The following ABHD12 variants were observed in gnomAD, a reference collection of about 807,000 sequenced individuals.
ABHD12 encodes abhydrolase domain containing 12, lysophospholipase.
In ABHD12, 43 loss-of-function variants were observed where a neutral mutation model predicts 58.3. That is an observed-to-expected ratio of 0.74 (90% confidence interval 0.58 to 0.95). The LOEUF (loss-of-function observed/expected upper bound fraction) is 0.95, where lower values mean the gene tolerates loss of function less well. ABHD12 is among the 40% of genes least tolerant of loss of function. The pLI is 0.00. For missense variants in ABHD12, 539 were observed against 537.2 expected, an observed-to-expected ratio of 1.00 and a Z score of -0.03; for synonymous variants, 219 against 211.2, an observed-to-expected ratio of 1.04 and a Z score of -0.32.
chr20:25,305,367 C>CTTT (rs11087512), intron 10 of ABHD12, among the ~76,000 whole-genome samples: 2 of 143,612 alleles, frequency 1.4e-5, no homozygotes, highest in Non-Finnish European at 3.0e-5. Context: ...TACTTTCCCT[C>CTTT]TTTTTTTTTT....
At chr20:25,340,668 C>T (rs528726877) in intron 1 of ABHD12, among the ~76,000 whole-genome samples, 1 of 152,220 alleles carries the variant, frequency 6.6e-6, no homozygotes, top group Non-Finnish European at 1.5e-5. Context: ...CTTAAAACCA[C>T]ATATTGAACT....
At position 25,320,155 on chromosome 20, in the gene ABHD12, G is replaced by A. The variant is rs1018175396; in HGVS notation, c.542+44C>T. ...GGCCAGGACATTCCCACCCCAAAAAGGAGCCATGCTCCACAGCAAAGATGA... is the reference window on the plus strand; with the variant it reads ...GGCCAGGACATTCCCACCCCAAAAAAGAGCCATGCTCCACAGCAAAGATGA... On this transcript the variant is annotated intron_variant, in intron 4 of 12. Coordinates refer to ENST00000339157, the MANE Select transcript of ABHD12 (RefSeq NM_001042472.3). The A allele has an allele frequency of 6.8e-6, 11 of 1,611,092 alleles. No homozygotes were observed. The African/African-American group carries it at 1.2e-4, about 18-fold the overall frequency.
rs566357038 is a variant in ABHD12, at chr20:25,359,733, T to C, written c.192-20382A>G. Among the ~76,000 whole-genome samples, 848 of 151,994 alleles carry C rather than the reference T, an allele frequency of 5.6e-3. 3 individuals are homozygous for C. Among genetic ancestry groups the C allele is most frequent in the Middle Eastern group, 0.034 (10 of 294 alleles). ...TACAAGCATGTACCACCATGCCTGC[T>C]GAGTTTTTTTATTTTTAGTAGAAAC... On this transcript the variant is annotated intron_variant, in intron 1 of 12. Coordinates refer to ENST00000339157, the MANE Select transcript of ABHD12 (RefSeq NM_001042472.3).
In ABHD12 at chr20:25,348,446, TAAAA is replaced by T. The variant is rs59369733; in HGVS notation, c.192-9099_192-9096del. The stretch of plus-strand genomic sequence containing the variant: ...TAATTCAATGACACAAACCATTTGG[TAAAA>T]AAAAAAAAAAAAAAAAACAAATGCG... On this transcript the variant is annotated intron_variant, in intron 1 of 12. Transcript: ENST00000339157. Among the ~76,000 whole-genome samples the T allele has an allele frequency of 3.2e-3, 397 of 124,258 alleles. 2 individuals carry two copies. The highest frequency in any genetic ancestry group is 0.011 in the African/African-American group (372 of 34,040). The allele number at this position is 124,258 out of a possible 152,430, so 81.5% of individuals were successfully genotyped here.
Position 25,309,445 on chromosome 20 carries a change from C to T in ABHD12, c.749+1G>A, listed in dbSNP as rs201317014. 5.0e-6 allele frequency: 8 copies of T among 1,614,074 alleles called. No individual in the cohort carries two copies. In the Admixed American group the frequency reaches 6.7e-5, roughly 13 times the overall value. Reference sequence around the variant, plus strand: ...GGCTGCCTCCTGCTGGGGTCCCTTACCCAGTGCCCAGAGAGTGGCCCCAGA... The same window carrying T: ...GGCTGCCTCCTGCTGGGGTCCCTTATCCAGTGCCCAGAGAGTGGCCCCAGA... On this transcript the variant is annotated splice_donor_variant, in intron 7 of 12. Coordinates refer to ENST00000339157, the MANE Select transcript of ABHD12 (RefSeq NM_001042472.3). LOFTEE classifies it high-confidence loss of function.
chr20:25,339,969 AC>A (rs2089434036), intron 1 of ABHD12, among the ~76,000 whole-genome samples: 1 of 152,038 alleles, frequency 6.6e-6, no homozygotes, highest in Non-Finnish European at 1.5e-5. Context: ...GGGTCTCATG[AC>A]CCTCTTCTAA....
At chr20:25,376,842 C>G (rs2146121720) in intron 1 of ABHD12, among the ~76,000 whole-genome samples, 1 of 152,318 alleles carries the variant, frequency 6.6e-6, no homozygotes, top group Admixed American at 6.5e-5. Flanking sequence ...ACTCTCAACA[C>G]AGGCCACACT....
intron 2 of ABHD12, among the ~76,000 whole-genome samples, chr20:25,331,313 C>A (rs2089271448): frequency 6.6e-6 from 1 of 152,030 alleles, no homozygotes. Context: ...TGTGAAAAGA[C>A]CAAATCTACG....
rs2145931488 is a variant in ABHD12 at position 25,308,045 on chromosome 20, T to C, written c.788A>G (p.Glu263Gly). 1.3e-6 allele frequency: 2 copies of C among 1,597,102 alleles called. No individual in the cohort carries two copies. Among genetic ancestry groups the C allele is most frequent in the Non-Finnish European group, 1.7e-6 (2 of 1,164,394 alleles). ...CAATATAAGGGCATCTGGAGGCGTC[T>C]CTAGATAAACAAACAGGGAACTGAG... ...TNLVRRLCER[E>G]TPPDALILES... Residue 263 changes from glutamate (E) to glycine (G), a missense_variant and splice_region_variant, in exon 9 of 13, where the codon GAG (glutamate) becomes GGG (glycine). Physicochemically the swap from Glu to Gly is moderately conservative, Grantham distance 98 (BLOSUM62 -2). Transcript: ENST00000339157.
chr20:25,387,722 G>A (rs1044057119), intron 1 of ABHD12, among the ~76,000 whole-genome samples: 2 of 150,546 alleles, frequency 1.3e-5, no homozygotes, highest in Admixed American at 1.3e-4. Context: ...CCTGGGTGAC[G>A]GAACTTTCTT....
rs183933674 is a variant in ABHD12 at position 25,361,923 on chromosome 20, C to A, written c.192-22572G>T. On this transcript the variant is annotated intron_variant, in intron 1 of 12. Coordinates refer to ENST00000339157, the MANE Select transcript of ABHD12 (RefSeq NM_001042472.3). The stretch of plus-strand genomic sequence containing the variant: ...TGAGCCAAGATCCCGCCACTGCACT[C>A]CAGCCTGGGGGACAGAGCGACACTC... 6.9e-3 allele frequency among the ~76,000 whole-genome samples: 1,049 copies of A among 152,056 alleles called. 5 individuals are homozygous for A. The highest frequency in any genetic ancestry group is 0.021 in the Middle Eastern group (6 of 292).
Position 25,300,752 on chromosome 20 carries a change from G to A in ABHD12, c.*93C>T, listed in dbSNP as rs1353157707. On this transcript the variant is annotated 3_prime_UTR_variant, in exon 13 of 13. Transcript: ENST00000339157. ...AGCTGGGCTCCTGAGCATTGCAGGT[G>A]CCGGCCCCCCGGGGCTTCAGGATAC... The A allele has an allele frequency of 1.2e-6, 2 of 1,604,054 alleles. No homozygotes were observed. Among genetic ancestry groups the A allele is most frequent in the African/African-American group, 1.3e-5 (1 of 74,680 alleles).
intron 1 of ABHD12, among the ~76,000 whole-genome samples, chr20:25,359,222 C>A (rs1280586386): frequency 1.3e-5 from 2 of 151,022 alleles, no homozygotes; most frequent in African/African-American, 2.4e-5. Flanking sequence ...GAGATCGAGA[C>A]CATCCTGGCT....
rs6083798 is a variant in ABHD12, at chr20:25,309,684, G to A, written c.620-109C>T. On this transcript the variant is annotated intron_variant, in intron 6 of 12. Coordinates refer to ENST00000339157, the MANE Select transcript of ABHD12 (RefSeq NM_001042472.3). ...GCCAGGAGGAGACAGGGAGGGGCCCGCTTGGCCCACCCTTCCAGAGTCCAC... is the reference window on the plus strand; with the variant it reads ...GCCAGGAGGAGACAGGGAGGGGCCCACTTGGCCCACCCTTCCAGAGTCCAC... 9.2e-6 allele frequency: 14 copies of A among 1,515,624 alleles called. No homozygotes were observed. In the East Asian group the frequency reaches 1.6e-4, roughly 17 times the overall value. 93.9% of individuals were successfully genotyped at this position (1,515,624 alleles called of 1,614,324 possible).
downstream of ABHD12, chr20:25,300,132 G>A: frequency 1.1e-6 from 1 of 934,030 alleles, no homozygotes. Flanking sequence ...TGGCTCCAAA[G>A]CGGCTAGAGG....
At chr20:25,330,115 G>A (rs954899768) in intron 2 of ABHD12, among the ~76,000 whole-genome samples, 45 of 152,368 alleles carry the variant, frequency 3.0e-4, no homozygotes, top group Admixed American at 1.0e-3. Context: ...CGCACCGTGC[G>A]CAAGCCAAAG....
chr20:25,298,586 C>CA (rs374581032), downstream of ABHD12, among the ~76,000 whole-genome samples: 177 of 152,298 alleles, frequency 1.2e-3, 1 homozygote, highest in African/African-American at 4.1e-3. Flanking sequence ...TTCTATCAAT[C>CA]AATCAAATCC....
downstream of ABHD12, chr20:25,295,499 G>T (rs909331921): frequency 7.5e-6 from 10 of 1,335,798 alleles, no homozygotes; most frequent in Middle Eastern, 2.4e-4. Flanking sequence ...CTCCAGACAG[G>T]ACCAGGTGGA....
At chr20:25,371,893 C>A (rs1028364085) in intron 1 of ABHD12, among the ~76,000 whole-genome samples, 10 of 152,188 alleles carry the variant, frequency 6.6e-5, no homozygotes, top group Non-Finnish European at 1.3e-4. Flanking sequence ...AATTGAAGAT[C>A]TTTCTTTTTT....
Sources: gnomAD v4.1 joint callset for allele counts (sites outside exome capture counted in the v4.1 genomes callset) on GRCh38, gnomAD v4.1.1 for gene constraint, MANE v1.5 for transcripts, NCBI Gene and HGNC (gene_info 2026-07-23, HGNC 2026-07-21) for gene names.